RNF217: variants seen among roughly 807,000 people sequenced by gnomAD.
The protein encoded by RNF217 is E3 ubiquitin-protein ligase RNF217.
A neutral mutation model predicts 57.8 loss-of-function variants in RNF217; 31 were observed. The ratio of observed to expected loss-of-function variants is 0.54; its 90% confidence interval spans 0.40 to 0.72. RNF217 has a LOEUF of 0.72. RNF217 is among the 30% of genes least tolerant of loss of function. The probability of loss-of-function intolerance (pLI) is 0.00; values close to 1 mark genes in which losing one functional copy is unlikely to be tolerated. For synonymous variants in RNF217, 313 were observed against 294.0 expected (o/e 1.06, Z -0.66); for missense variants, 696 against 708.3 (o/e 0.98, Z 0.20).
intron 3 of RNF217, among the ~76,000 whole-genome samples, chr6:125,066,946 T>C (rs1212004462): frequency 6.6e-6 from 1 of 152,168 alleles, no homozygotes; most frequent in Non-Finnish European, 1.5e-5. Flanking sequence ...GGAGACATAG[T>C]CCTTAGACTG....
At chr6:124,988,249 T>G (rs953670995) in intron 1 of RNF217, among the ~76,000 whole-genome samples, 3 of 152,182 alleles carry the variant, frequency 2.0e-5, no homozygotes, top group Admixed American at 6.5e-5. Flanking sequence ...TTGTCTTCCA[T>G]GATACCAGTC....
chr6:125,054,153 A>G (rs1212693052), intron 2 of RNF217, among the ~76,000 whole-genome samples: 2 of 152,134 alleles, frequency 1.3e-5, no homozygotes, highest in African/African-American at 4.8e-5. Context: ...TACATCCCTA[A>G]TGGAAGTTCC....
At chr6:124,995,587 T>A (rs1784716208) in intron 1 of RNF217, among the ~76,000 whole-genome samples, 1 of 152,172 alleles carries the variant, frequency 6.6e-6, no homozygotes, top group Non-Finnish European at 1.5e-5. Context: ...TGGAGTTTGT[T>A]GTATGAATAT....
intron 3 of RNF217, among the ~76,000 whole-genome samples, chr6:125,065,587 A>T (rs181357626): frequency 3.9e-5 from 6 of 152,282 alleles, no homozygotes; most frequent in African/African-American, 7.2e-5. Context: ...GTTATAGATG[A>T]TGAGGGCTTC....
At chr6:125,046,807 A>C (rs182826217) in intron 2 of RNF217, 6 of 342,844 alleles carry the variant, frequency 1.8e-5, no homozygotes, top group Middle Eastern at 6.1e-4. Flanking sequence ...AAGCTTCTTC[A>C]TGAGTCGTTG....
intron 2 of RNF217, among the ~76,000 whole-genome samples, chr6:125,049,432 GA>G (rs1787224157): frequency 6.6e-6 from 1 of 151,960 alleles, no homozygotes; most frequent in Non-Finnish European, 1.5e-5. Context: ...TATATTTGTT[GA>G]AGGATTCATT....
chr6:125,009,651 C>G (rs1173741750), intron 1 of RNF217, among the ~76,000 whole-genome samples: 1 of 151,506 alleles, frequency 6.6e-6, no homozygotes, highest in Admixed American at 6.6e-5. Context: ...CCTTTTCTTT[C>G]TATTTTTTTT....
intron 1 of RNF217, among the ~76,000 whole-genome samples, chr6:124,996,173 A>G (rs1196343693): frequency 6.6e-6 from 1 of 152,186 alleles, no homozygotes; most frequent in African/African-American, 2.4e-5. Context: ...CATAACCTCA[A>G]CAGTACTTCA....
chr6:125,006,570 A>C (rs62433313), intron 1 of RNF217, among the ~76,000 whole-genome samples: 3 of 152,242 alleles, frequency 2.0e-5, no homozygotes, highest in African/African-American at 7.2e-5. Context: ...AAAGCATACT[A>C]TTCTGAGCAA....
At chr6:125,027,975 T>G (rs1489030053) in intron 1 of RNF217, among the ~76,000 whole-genome samples, 1 of 152,140 alleles carries the variant, frequency 6.6e-6, no homozygotes, top group Non-Finnish European at 1.5e-5. Flanking sequence ...AATCAGATTA[T>G]TAGATTTTTT....
At chr6:125,000,533 A>G (rs1784936484) in intron 1 of RNF217, among the ~76,000 whole-genome samples, 1 of 152,072 alleles carries the variant, frequency 6.6e-6, no homozygotes, top group Non-Finnish European at 1.5e-5. Flanking sequence ...GAAAACAACT[A>G]CTGATTCATC....
At chr6:124,978,913 C>T (rs1296320566) in intron 1 of RNF217, among the ~76,000 whole-genome samples, 1 of 152,208 alleles carries the variant, frequency 6.6e-6, no homozygotes, top group Non-Finnish European at 1.5e-5. Context: ...GATCCCCTTT[C>T]TGCCTGTGTG....
rs148701019 is a variant in RNF217, at chr6:125,079,833, T to C, written c.1484-1603T>C. Among the ~76,000 whole-genome samples the C allele has an allele frequency of 7.7e-4, 117 of 152,206 alleles. No homozygotes were observed. The East Asian group carries it at 0.019, about 25-fold the overall frequency. ...AGGAATATTTAAATAAAATACGATA[T>C]ATGGATATGATAGCAATTAAAAATG... On this transcript the variant is annotated intron_variant, in intron 4 of 5. Transcript: ENST00000521654.
chr6:125,068,027 T>G lies in RNF217; in HGVS notation c.1282-8630T>G, dbSNP rs922474199. The stretch of plus-strand genomic sequence containing the variant: ...AATAAGATAAAAATTTAAAACATGT[T>G]CATTATATTTTGCAGATGGGGGTCA... On this transcript the variant is annotated intron_variant, in intron 3 of 5. Transcript: ENST00000521654. 7.9e-5 allele frequency among the ~76,000 whole-genome samples: 12 copies of G among 152,286 alleles called. No homozygotes were observed. In the South Asian group the frequency reaches 1.0e-3, roughly 13 times the overall value.
At chr6:124,985,584 A>G (rs1010456851) in intron 1 of RNF217, among the ~76,000 whole-genome samples, 1 of 152,202 alleles carries the variant, frequency 6.6e-6, no homozygotes, top group African/African-American at 2.4e-5. Context: ...AACATGATAT[A>G]TGTATTGAAA....
At chr6:125,004,902 A>G (rs1785117822) in intron 1 of RNF217, among the ~76,000 whole-genome samples, 1 of 152,200 alleles carries the variant, frequency 6.6e-6, no homozygotes, top group African/African-American at 2.4e-5. Context: ...AGAATACCAC[A>G]GACTGGGTAA....
At chr6:125,036,620 C>G (rs1223152803) in intron 1 of RNF217, among the ~76,000 whole-genome samples, 1 of 151,982 alleles carries the variant, frequency 6.6e-6, no homozygotes, top group Non-Finnish European at 1.5e-5. Context: ...TGCAATCTAT[C>G]CATCTGACAA....
intron 3 of RNF217, among the ~76,000 whole-genome samples, chr6:125,075,294 T>G (rs1428501190): frequency 6.6e-6 from 1 of 152,122 alleles, no homozygotes; most frequent in Admixed American, 6.6e-5. Context: ...GAGGTCTCAT[T>G]TTAGTAACAG....
At chr6:125,035,051 T>C (rs1160456632) in intron 1 of RNF217, among the ~76,000 whole-genome samples, 1 of 152,070 alleles carries the variant, frequency 6.6e-6, no homozygotes, top group Non-Finnish European at 1.5e-5. Context: ...TGATTTTGTA[T>C]CCTGAGACTT....
Sources: allele counts gnomAD v4.1 joint callset (sites outside exome capture counted in the v4.1 genomes callset), GRCh38; gene constraint gnomAD v4.1.1; transcripts MANE v1.5; gene names NCBI Gene and HGNC (gene_info 2026-07-23, HGNC 2026-07-21).